Variants in GASK1A observed in about 807,000 individuals in gnomAD.
GASK1A encodes the protein golgi associated kinase 1A.
In GASK1A, 40 loss-of-function variants were observed where a neutral mutation model predicts 41.2. The observed-to-expected ratio is 0.97, with a 90% CI of 0.75 to 1.27. The LOEUF is 1.27. GASK1A is among the 50% of genes most tolerant of loss of function. The pLI, the probability that GASK1A is intolerant of heterozygous loss-of-function variation, is 0.00. For synonymous variants in GASK1A, 316 were observed against 307.1 expected, an observed-to-expected ratio of 1.03 and a Z score of -0.30; for missense variants, 678 against 745.1, an observed-to-expected ratio of 0.91 and a Z score of 1.05.
At chr3:42,980,837 A>AT (rs1332569434) in intron 1 of GASK1A, among the ~76,000 whole-genome samples, 1 of 152,124 alleles carries the variant, frequency 6.6e-6, no homozygotes. Context: ...AGGGGGAATG[A>AT]TTGGGGGTAC....
chr3:43,056,141 C>T (rs1454539109), intron 4 of GASK1A, 35 bp from the exon 5 acceptor site: 2 of 1,485,724 alleles, frequency 1.3e-6, no homozygotes, highest in Admixed American at 4.4e-5. Context: ...GTTGCTTTTT[C>T]TTTCTGTTAC....
At chr3:42,990,008 C>T (rs1310271989) in intron 1 of GASK1A, among the ~76,000 whole-genome samples, 1 of 152,056 alleles carries the variant, frequency 6.6e-6, no homozygotes, top group African/African-American at 2.4e-5. Context: ...GACAGGTGCA[C>T]CTGCTGGGAG....
intron 1 of GASK1A, among the ~76,000 whole-genome samples, chr3:43,023,664 A>G (rs1207514686): frequency 2.0e-5 from 3 of 152,224 alleles, no homozygotes. Context: ...TATAGACCAA[A>G]TTAAAAGCAT....
At chr3:43,022,406 T>A (rs2089526822) in intron 1 of GASK1A, among the ~76,000 whole-genome samples, 1 of 152,144 alleles carries the variant, frequency 6.6e-6, no homozygotes, top group South Asian at 2.1e-4. Context: ...CTTGAAACAT[T>A]TGCAAAAGAT....
chr3:43,032,184 T>A, intron 1 of GASK1A, 83 bp from the exon 2 acceptor site: 1 of 1,133,218 alleles, frequency 8.8e-7, no homozygotes, highest in East Asian at 2.6e-5. Flanking sequence ...GAGCACCTCA[T>A]TTGCTTACCA....
At position 43,050,056 on chromosome 3, in the gene GASK1A, C is replaced by CAA. The variant is rs35496497; in HGVS notation, c.1291-3457_1291-3456dup. On this transcript the variant is annotated intron_variant, in intron 2 of 4. Transcript: ENST00000430121. ...AGAGGGGAAAAAAAGAAGTCCAGAA[C>CAA]AAAAAAAAATACATTTATACTGTCT... is the stretch of plus-strand genomic sequence containing the variant. 8.6e-3 allele frequency among the ~76,000 whole-genome samples: 1,276 copies of CAA among 148,456 alleles called. 11 individuals are homozygous for CAA. Among genetic ancestry groups the CAA allele is most frequent in the African/African-American group, 0.024 (965 of 40,566 alleles).
chr3:43,014,827 G>T (rs75071357), intron 1 of GASK1A, among the ~76,000 whole-genome samples: 1,753 of 152,216 alleles, frequency 0.012, 17 homozygotes, highest in East Asian at 0.023. Context: ...CTACAGGAAA[G>T]GCCAATGGGA....
intron 2 of GASK1A, among the ~76,000 whole-genome samples, chr3:43,049,134 A>G (rs1468264378): frequency 6.6e-6 from 1 of 152,162 alleles, no homozygotes; most frequent in Non-Finnish European, 1.5e-5. Flanking sequence ...ATGCCACCAG[A>G]CTGTATCTAG....
chr3:43,022,548 T>C (rs796144178), intron 1 of GASK1A, among the ~76,000 whole-genome samples: 4 of 152,232 alleles, frequency 2.6e-5, no homozygotes, highest in African/African-American at 9.6e-5. Flanking sequence ...TCAGTGTTAG[T>C]TTAAAATGTT....
In GASK1A at chr3:43,056,509, T is replaced by C; in HGVS notation, c.*123T>C. 1 of 849,340 alleles carries C rather than the reference T, an allele frequency of 1.2e-6. No individual in the cohort carries two copies. The highest frequency in any genetic ancestry group is 1.8e-6 in the Non-Finnish European group (1 of 562,556). 52.6% of individuals were successfully genotyped at this position (849,340 alleles called of 1,614,324 possible). The stretch of plus-strand genomic sequence containing the variant: ...AGGGGCACAAGGATGTCACGGGATA[T>C]TTCACCTGCCTGGGATGGTGGAGGT... On this transcript the variant is annotated 3_prime_UTR_variant, in exon 5 of 5. Transcript: ENST00000430121.
chr3:43,040,993 C>T (rs1467662638), intron 2 of GASK1A, among the ~76,000 whole-genome samples: 9 of 150,360 alleles, frequency 6.0e-5, no homozygotes, highest in Admixed American at 4.7e-4. Context: ...TTTGTTCTTG[C>T]GATAGTTTAC....
chr3:43,048,388 G>A (rs2089673658), intron 2 of GASK1A, among the ~76,000 whole-genome samples: 1 of 152,166 alleles, frequency 6.6e-6, no homozygotes, highest in African/African-American at 2.4e-5. Flanking sequence ...ACCATGAGGG[G>A]TTTCTATCTA....
chr3:42,997,998 G>A (rs545719950), intron 1 of GASK1A, among the ~76,000 whole-genome samples: 10 of 152,184 alleles, frequency 6.6e-5, no homozygotes, highest in Non-Finnish European at 1.5e-4. Context: ...AAAGAGGATG[G>A]AGTCTTTATT....
intron 2 of GASK1A, 71 bp from the exon 3 acceptor site, chr3:43,053,450 T>C: frequency 2.1e-6 from 3 of 1,459,490 alleles, no homozygotes; most frequent in Non-Finnish European, 2.7e-6. Context: ...GCAGGTCAGG[T>C]GGCCTCCATG....
chr3:43,045,382 T>C (rs2089657090), intron 2 of GASK1A, among the ~76,000 whole-genome samples: 1 of 152,192 alleles, frequency 6.6e-6, no homozygotes, highest in Non-Finnish European at 1.5e-5. Flanking sequence ...TCCAAGACTC[T>C]TTTATATTAT....
At chr3:43,051,748 C>T (rs983890905) in intron 2 of GASK1A, among the ~76,000 whole-genome samples, 8 of 152,132 alleles carry the variant, frequency 5.3e-5, no homozygotes, top group African/African-American at 9.7e-5. Flanking sequence ...CTTTTAGTAC[C>T]GGGCAACCAA....
chr3:42,992,538 G>A (rs2089346738), intron 1 of GASK1A, among the ~76,000 whole-genome samples: 1 of 152,276 alleles, frequency 6.6e-6, no homozygotes, highest in East Asian at 1.9e-4. Flanking sequence ...ACTGTCAGGA[G>A]GATCCTTCAG....
intron 1 of GASK1A, among the ~76,000 whole-genome samples, chr3:43,004,597 T>G (rs2089425616): frequency 6.6e-6 from 1 of 152,160 alleles, no homozygotes; most frequent in Non-Finnish European, 1.5e-5. Flanking sequence ...CTTCCCAAAC[T>G]GTTCTCAGTT....
At position 43,032,703 on chromosome 3, in the gene GASK1A, G is replaced by A. The variant is rs1055442721; in HGVS notation, c.440G>A (p.Gly147Glu). The change falls in exon 2 of 5, where the codon GGA becomes GAA. Residue 147 changes from glycine (G) to glutamate (E), a missense_variant. Physicochemically the swap from Gly to Glu is moderately conservative, Grantham distance 98. Coordinates refer to ENST00000430121, the MANE Select transcript of GASK1A (RefSeq NM_001129908.3). ...LLREDEVGDP[G>E]TKDLGHPQHG... is the part of the protein sequence containing the mutation. The stretch of plus-strand genomic sequence containing the variant: ...AGGGAGGATGAGGTTGGAGATCCAG[G>A]AACCAAAGACCTGGGCCACCCCCAG... 9 of 1,551,642 alleles carry A rather than the reference G, an allele frequency of 5.8e-6. No individual in the cohort carries two copies. Among genetic ancestry groups the A allele is most frequent in the Non-Finnish European group, 7.0e-6 (8 of 1,146,990 alleles).
Sources: gnomAD v4.1 joint callset for allele counts (sites outside exome capture counted in the v4.1 genomes callset) on GRCh38, gnomAD v4.1.1 for gene constraint, MANE v1.5 for transcripts, NCBI Gene and HGNC (gene_info 2026-07-23, HGNC 2026-07-21) for gene names.